Variants in PNPLA1 observed in about 807,000 individuals in gnomAD.
The protein encoded by PNPLA1 is patatin like domain 1, omega-hydroxyceramide transacylase.
Under a neutral mutation model 51.7 loss-of-function variants are expected in PNPLA1, and 36 were observed. That is an observed-to-expected ratio of 0.70 (90% CI 0.53 to 0.92). PNPLA1 has a LOEUF of 0.92. Ranked by LOEUF, PNPLA1 falls within the 40% of genes least tolerant of loss-of-function variation. PNPLA1 has a pLI of 0.00. For missense variants in PNPLA1, 658 were observed against 682.5 expected, an observed-to-expected ratio of 0.96 and a Z score of 0.40; for synonymous variants, 293 against 280.1, an observed-to-expected ratio of 1.05 and a Z score of -0.46.
At chr6:36,261,099 G>A (rs1248193204) in intron 1 of PNPLA1, among the ~76,000 whole-genome samples, 1 of 152,236 alleles carries the variant, frequency 6.6e-6, no homozygotes, top group Non-Finnish European at 1.5e-5. Flanking sequence ...AAAGTGCTGG[G>A]ATTTCAGGCA....
At chr6:36,293,402 G>A (rs995179625) in intron 3 of PNPLA1, among the ~76,000 whole-genome samples, 8 of 152,228 alleles carry the variant, frequency 5.3e-5, no homozygotes, top group African/African-American at 9.6e-5. Context: ...GGTTTTCCCA[G>A]ACTTGACAGA....
At chr6:36,253,084 G>A (rs914976938) in intron 1 of PNPLA1, among the ~76,000 whole-genome samples, 1 of 152,194 alleles carries the variant, frequency 6.6e-6, no homozygotes, top group African/African-American at 2.4e-5. Flanking sequence ...GGAGGCTGAG[G>A]CAGGATAATT....
intron 1 of PNPLA1, among the ~76,000 whole-genome samples, chr6:36,259,826 C>G (rs1331955192): frequency 2.0e-5 from 3 of 152,004 alleles, no homozygotes; most frequent in African/African-American, 7.3e-5. Context: ...ACACTGGGAT[C>G]TACTAGGGAG....
upstream of PNPLA1, among the ~76,000 whole-genome samples, chr6:36,268,698 G>A (rs1769820922): frequency 6.6e-6 from 1 of 152,180 alleles, no homozygotes; most frequent in African/African-American, 2.4e-5. Context: ...AGATTGCCTT[G>A]TACAGTTTTC....
At chr6:36,276,650 A>G (rs544419974) in intron 1 of PNPLA1, among the ~76,000 whole-genome samples, 1 of 152,344 alleles carries the variant, frequency 6.6e-6, no homozygotes, top group African/African-American at 2.4e-5. Context: ...GATTTGGCAG[A>G]CTTAAAACCC....
chr6:36,283,458 C>T (rs879517313), intron 1 of PNPLA1, among the ~76,000 whole-genome samples: 2 of 152,096 alleles, frequency 1.3e-5, no homozygotes, highest in Admixed American at 6.5e-5. Flanking sequence ...ACCCATGAAT[C>T]CTGTGGGTAA....
At chr6:36,278,579 C>T (rs1214430807) in intron 1 of PNPLA1, among the ~76,000 whole-genome samples, 1 of 152,208 alleles carries the variant, frequency 6.6e-6, no homozygotes, top group Admixed American at 6.5e-5. Context: ...GGAGGAAAAG[C>T]AGGGGACAGA....
At chr6:36,258,704 G>T (rs1769583112) in intron 1 of PNPLA1, among the ~76,000 whole-genome samples, 1 of 152,064 alleles carries the variant, frequency 6.6e-6, no homozygotes, top group Non-Finnish European at 1.5e-5. Context: ...CTTTGTTCTG[G>T]GGTCTTCTTG....
At position 36,279,517 on chromosome 6, in the gene PNPLA1, C is replaced by A. The variant is rs1005625691; in HGVS notation, c.205+8853C>A. Among the ~76,000 whole-genome samples, 7 of 152,200 alleles carry A rather than the reference C, an allele frequency of 4.6e-5. 1 individual carries two copies. The highest frequency in any genetic ancestry group is 1.0e-4 in the Non-Finnish European group (7 of 68,036). On this transcript the variant is annotated intron_variant, in intron 1 of 8. Transcript: ENST00000636260. ...CTCCTTTCCTTTGTCACTCATGCACCTATCTTTGTTACTCAGTTGAGGAAT... is the reference window on the plus strand; with the variant it reads ...CTCCTTTCCTTTGTCACTCATGCACATATCTTTGTTACTCAGTTGAGGAAT...
At chr6:36,301,714 GT>G in intron 5 of PNPLA1, 146 bp from the exon 6 acceptor site, 1 of 1,155,452 alleles carries the variant, frequency 8.7e-7, no homozygotes, top group Non-Finnish European at 1.2e-6. Flanking sequence ...CATCACGTTT[GT>G]TTTCACTCAC....
chr6:36,252,173 A>C (rs1367315481), intron 1 of PNPLA1, among the ~76,000 whole-genome samples: 1 of 152,122 alleles, frequency 6.6e-6, no homozygotes, highest in Non-Finnish European at 1.5e-5. Flanking sequence ...GGAAAATGCC[A>C]AACAAGGGCT....
intron 6 of PNPLA1, among the ~76,000 whole-genome samples, chr6:36,304,343 C>G (rs919171536): frequency 6.6e-6 from 1 of 152,056 alleles, no homozygotes; most frequent in Non-Finnish European, 1.5e-5. Context: ...GAGACAAAAA[C>G]AAAACACCAT....
At position 36,302,103 on chromosome 6, in the gene PNPLA1, G is replaced by A. The variant is rs571808408; in HGVS notation, c.1018G>A (p.Glu340Lys). 24 of 1,614,200 alleles carry A rather than the reference G, an allele frequency of 1.5e-5. 1 individual carries two copies. The South Asian group carries it at 1.5e-4, about 10-fold the overall frequency. The change falls in exon 6 of 9, where the codon GAG becomes AAG. Residue 340 changes from glutamate (E) to lysine (K), a missense_variant. Physicochemically the swap from Glu to Lys is moderately conservative, Grantham distance 56. Transcript: ENST00000636260. ...TGTGCAGACACTTGAATTCACATGC[G>A]AGTCACCTGTTTCAGCACCAGTCTC... is the stretch of plus-strand genomic sequence containing the variant. Reference protein sequence around the residue: ...QPVQTLEFTCESPVSAPVSPL... With the variant: ...QPVQTLEFTCKSPVSAPVSPL...
intron 1 of PNPLA1, among the ~76,000 whole-genome samples, chr6:36,263,073 C>T (rs933590648): frequency 6.6e-5 from 10 of 152,116 alleles, no homozygotes; most frequent in East Asian, 1.9e-4. Flanking sequence ...ATGGTCAAAT[C>T]GTTTAAAATA....
chr6:36,268,796 AG>A (rs1769823786), upstream of PNPLA1, among the ~76,000 whole-genome samples: 1 of 152,148 alleles, frequency 6.6e-6, no homozygotes, highest in Non-Finnish European at 1.5e-5. Context: ...CCTGTCCCCC[AG>A]GGCCCCGACA....
intron 1 of PNPLA1, among the ~76,000 whole-genome samples, chr6:36,250,484 C>A (rs1260817154): frequency 6.6e-6 from 1 of 152,166 alleles, no homozygotes; most frequent in African/African-American, 2.4e-5. Context: ...TGTGAAAATA[C>A]CACCACCACC....
intron 1 of PNPLA1, among the ~76,000 whole-genome samples, chr6:36,257,026 G>T (rs1329717107): frequency 6.6e-6 from 1 of 152,104 alleles, no homozygotes; most frequent in Admixed American, 6.5e-5. Context: ...AATTTTGCCT[G>T]GGATCTGGGT....
chr6:36,255,632 A>C (rs953721605), intron 1 of PNPLA1, among the ~76,000 whole-genome samples: 2 of 152,156 alleles, frequency 1.3e-5, no homozygotes, highest in African/African-American at 4.8e-5. Context: ...GGTTGCAGTG[A>C]GCCAAGATTG....
At chr6:36,256,803 G>A (rs978688235) in intron 1 of PNPLA1, among the ~76,000 whole-genome samples, 3 of 152,110 alleles carry the variant, frequency 2.0e-5, no homozygotes, top group African/African-American at 4.8e-5. Context: ...ACAGTAGACA[G>A]ATTAATAGGA....
Sources: gnomAD v4.1 joint callset for allele counts (sites outside exome capture counted in the v4.1 genomes callset) on GRCh38, gnomAD v4.1.1 for gene constraint, MANE v1.5 for transcripts, NCBI Gene and HGNC (gene_info 2026-07-23, HGNC 2026-07-21) for gene names.